Variants in WWOX observed in about 807,000 individuals in gnomAD.
The protein encoded by WWOX is WW domain containing oxidoreductase, also known as WW domain-containing oxidoreductase.
A neutral mutation model predicts 46.2 loss-of-function variants in WWOX; 69 were observed. That is an observed-to-expected ratio of 1.49 (90% CI 1.23 to 1.82). WWOX has a LOEUF of 1.82. Ranked by LOEUF, WWOX falls within the 40% of genes most tolerant of loss-of-function variation. The pLI is 0.00. For missense variants in WWOX, 919 were observed against 542.6 expected, an observed-to-expected ratio of 1.69 and a Z score of -6.89; for synonymous variants, 359 against 202.6, an observed-to-expected ratio of 1.77 and a Z score of -6.56.
At chr16:78,930,409 C>T (rs1040913993) in intron 8 of WWOX, among the ~76,000 whole-genome samples, 7 of 150,026 alleles carry the variant, frequency 4.7e-5, no homozygotes, top group South Asian at 2.1e-4. Context: ...TCCTGAGTAG[C>T]TGGGACTACA....
chr16:79,000,488 C>A (rs912493991), intron 8 of WWOX, among the ~76,000 whole-genome samples: 3 of 152,008 alleles, frequency 2.0e-5, no homozygotes, highest in Non-Finnish European at 4.4e-5. Flanking sequence ...GCAGATGGGT[C>A]ATAATCAGAG....
At chr16:78,748,434 A>G (rs2142441517) in intron 8 of WWOX, among the ~76,000 whole-genome samples, 1 of 152,338 alleles carries the variant, frequency 6.6e-6, no homozygotes, top group African/African-American at 2.4e-5. Context: ...CTGGGGATAC[A>G]GAGTTAAATA....
At chr16:78,173,855 C>T (rs760419527) in intron 5 of WWOX, among the ~76,000 whole-genome samples, 6 of 152,104 alleles carry the variant, frequency 3.9e-5, no homozygotes, top group African/African-American at 7.2e-5. Flanking sequence ...AAGTCCGAGA[C>T]GAGGGTGCCA....
chr16:78,938,412 A>G (rs894358246), intron 8 of WWOX, among the ~76,000 whole-genome samples: 1 of 151,924 alleles, frequency 6.6e-6, no homozygotes, highest in Non-Finnish European at 1.5e-5. Context: ...GCCCAGACAC[A>G]GAGAGCTTGA....
At chr16:78,178,657 G>T (rs2151750707) in intron 5 of WWOX, among the ~76,000 whole-genome samples, 1 of 152,278 alleles carries the variant, frequency 6.6e-6, no homozygotes, top group Non-Finnish European at 1.5e-5. Flanking sequence ...CTTGAGGTTA[G>T]GAGTTCGAGA....
At chr16:78,623,686 G>C (rs921499879) in intron 8 of WWOX, among the ~76,000 whole-genome samples, 5 of 149,174 alleles carry the variant, frequency 3.4e-5, no homozygotes, top group Admixed American at 1.3e-4. Context: ...TATTAGCTGA[G>C]TCATGTCACT....
chr16:78,891,121 A>G (rs934284071), intron 8 of WWOX: 7 of 152,116 alleles, frequency 4.6e-5, no homozygotes, highest in Non-Finnish European at 2.9e-5. Context: ...TTTTTCTCAA[A>G]ACTGAAATTG....
chr16:79,180,926 G>C (rs1012670721), intron 8 of WWOX, among the ~76,000 whole-genome samples: 1 of 152,150 alleles, frequency 6.6e-6, no homozygotes, highest in Non-Finnish European at 1.5e-5. Flanking sequence ...ATTTGTGTCT[G>C]GTCTTTTTCC....
chr16:78,528,165 A>ATTTTTT lies in WWOX; in HGVS notation c.1056+95430_1056+95435dup, dbSNP rs56803717. Reference sequence around the variant, plus strand: ...AGGTGCCCGCCACCACACCTGGCTAATTTTTTTTTTTTTTTTTTTTTTGCA... The same window carrying ATTTTTT: ...AGGTGCCCGCCACCACACCTGGCTAATTTTTTTTTTTTTTTTTTTTTTTTTTTTGCA... On this transcript the variant is annotated intron_variant, in intron 8 of 8. Coordinates refer to ENST00000566780, the MANE Select transcript of WWOX (RefSeq NM_016373.4). Among the ~76,000 whole-genome samples, 104 of 58,394 alleles carry ATTTTTT rather than the reference A, an allele frequency of 1.8e-3. 6 individuals are homozygous for ATTTTTT. The highest frequency in any genetic ancestry group is 7.8e-3 in the African/African-American group (93 of 11,960). 38.3% of individuals were successfully genotyped at this position (58,394 alleles called of 152,430 possible).
intron 8 of WWOX, among the ~76,000 whole-genome samples, chr16:78,856,227 G>T (rs1395862810): frequency 1.3e-5 from 2 of 152,164 alleles, no homozygotes; most frequent in African/African-American, 2.4e-5. Flanking sequence ...AAGGATTTAG[G>T]CAGGGACTGC....
At position 79,211,747 on chromosome 16, in the gene WWOX, C is replaced by T. The variant is rs200815431; in HGVS notation, c.1196C>T (p.Ala399Val). 1.3e-4 allele frequency: 210 copies of T among 1,614,178 alleles called. No individual in the cohort carries two copies. Among genetic ancestry groups the T allele is most frequent in the African/African-American group, 7.6e-4 (57 of 75,060 alleles). ...QSEETARTLWALSERLIQERL... is the reference protein window; with the variant it reads ...QSEETARTLWVLSERLIQERL... ...GAAGAGACGGCCCGGACCCTGTGGG[C>T]GCTCAGCGAGAGGCTGATCCAAGAA... The change falls in exon 9 of 9, where the codon GCG becomes GTG. Residue 399 changes from alanine to valine, a missense_variant. Coordinates refer to ENST00000566780, the MANE Select transcript of WWOX (RefSeq NM_016373.4).
intron 8 of WWOX, among the ~76,000 whole-genome samples, chr16:78,745,015 T>C (rs1448842531): frequency 1.3e-5 from 2 of 152,194 alleles, no homozygotes; most frequent in African/African-American, 4.8e-5. Context: ...TCCCAGCACA[T>C]ACCATTTATT....
At chr16:78,550,002 T>A (rs2151541287) in intron 8 of WWOX, among the ~76,000 whole-genome samples, 1 of 152,248 alleles carries the variant, frequency 6.6e-6, no homozygotes, top group Non-Finnish European at 1.5e-5. Flanking sequence ...TGAAGGGAAA[T>A]GCCTAGGTTG....
intron 8 of WWOX, among the ~76,000 whole-genome samples, chr16:78,555,391 G>C (rs1045925956): frequency 7.2e-5 from 11 of 152,092 alleles, no homozygotes; most frequent in Non-Finnish European, 1.5e-4. Flanking sequence ...ATACTTGGAA[G>C]GCGATGTGTA....
intron 8 of WWOX, among the ~76,000 whole-genome samples, chr16:78,826,654 C>G (rs937476775): frequency 1.3e-5 from 2 of 152,128 alleles, no homozygotes; most frequent in Non-Finnish European, 2.9e-5. Context: ...TGTCAAGATC[C>G]GTAACTTAAT....
chr16:78,714,406 C>T (rs1442198462), intron 8 of WWOX, among the ~76,000 whole-genome samples: 1 of 152,022 alleles, frequency 6.6e-6, no homozygotes, highest in Non-Finnish European at 1.5e-5. Context: ...GACTTATTCA[C>T]TGTCACGAGA....
chr16:78,304,189 G>A (rs896104602), intron 5 of WWOX, among the ~76,000 whole-genome samples: 4 of 152,252 alleles, frequency 2.6e-5, no homozygotes, highest in Admixed American at 6.5e-5. Flanking sequence ...TGAGGGATTC[G>A]TTAATAACCA....
chr16:79,032,166 T>G (rs1458527469), intron 8 of WWOX, among the ~76,000 whole-genome samples: 1 of 145,536 alleles, frequency 6.9e-6, no homozygotes, highest in Non-Finnish European at 1.5e-5. Context: ...ATAAAAACTG[T>G]TTTCCTTTGT....
chr16:78,340,498 C>T (rs78234316), intron 5 of WWOX, among the ~76,000 whole-genome samples: 27,493 of 119,952 alleles, frequency 0.23, 8,853 homozygotes, highest in African/African-American at 0.38. Context: ...CATGAACCAC[C>T]ACACCTAGCC....
Sources: gnomAD v4.1 joint callset for allele counts (sites outside exome capture counted in the v4.1 genomes callset) on GRCh38, gnomAD v4.1.1 for gene constraint, MANE v1.5 for transcripts, NCBI Gene and HGNC (gene_info 2026-07-23, HGNC 2026-07-21) for gene names.